The following MED26 variants were observed in gnomAD, a reference collection of about 807,000 sequenced individuals.
MED26 encodes mediator of RNA polymerase II transcription subunit 26.
MED26 carries 7 observed loss-of-function variants against 43.7 expected under a neutral mutation model. That is an observed-to-expected ratio of 0.16 (90% confidence interval 0.09 to 0.30). The LOEUF (loss-of-function observed/expected upper bound fraction) is 0.30, where lower values mean the gene tolerates loss of function less well. Ranked by LOEUF, MED26 falls within the 10% of genes least tolerant of loss-of-function variation. The pLI, the probability that MED26 is intolerant of heterozygous loss-of-function variation, is 1.00. For missense variants in MED26, 784 were observed against 840.6 expected, an observed-to-expected ratio of 0.93 and a Z score of 0.83; for synonymous variants, 375 against 371.1, an observed-to-expected ratio of 1.01 and a Z score of -0.12.
rs1214626657 is a variant in MED26, at chr19:16,576,218, T to C, written c.1612A>G (p.Thr538Ala). Residue 538 changes from threonine (T) to alanine (A), a missense_variant, in exon 3 of 3, where the codon ACG becomes GCG. Around this residue, in one of 3 missense-constraint regions of MED26, gnomAD observed 719 missense variants for 730.9 expected, o/e 0.98. Transcript: ENST00000263390. The surrounding 1 kb of genome is among the most constrained non-coding windows in gnomAD (Gnocchi z 6.8). ...TCCCGGGTCAGACCAGGGAGGTCCGTGGGCGGGCTTTGAGGCACCAGCACA... is the reference window on the plus strand; with the variant it reads ...TCCCGGGTCAGACCAGGGAGGTCCGCGGGCGGGCTTTGAGGCACCAGCACA... Reference protein sequence around the residue: ...LHVLVPQSPPTDLPGLTREVT... With the variant: ...LHVLVPQSPPADLPGLTREVT... 6.2e-7 allele frequency: 1 copy of C among 1,611,876 alleles called. No individual in the cohort carries two copies. Among genetic ancestry groups the C allele is most frequent in the South Asian group, 1.1e-5 (1 of 91,082 alleles).
chr19:16,581,478 G>A (rs1397274844), intron 1 of MED26, among the ~76,000 whole-genome samples: 2 of 152,120 alleles, frequency 1.3e-5, no homozygotes, highest in East Asian at 3.9e-4. Context: ...ACCTCACCCT[G>A]GTATATTTGG....
chr19:16,627,912 A>T lies in MED26; in HGVS notation c.32T>A (p.Ile11Asn). Reference sequence around the variant, plus strand: ...GATGGCCTGCAGCAGCCGGTCCCTGATCTGCTGCGGAGACGCCGGAGCCGC... The same window carrying T: ...GATGGCCTGCAGCAGCCGGTCCCTGTTCTGCTGCGGAGACGCCGGAGCCGC... MTAAPASPQQ[I>N]RDRLLQAIDP... The change falls in exon 1 of 3, where the codon ATC becomes AAC. Residue 11 changes from isoleucine to asparagine, a missense_variant. Ile to Asn is a moderately radical substitution (Grantham distance 149). Transcript: ENST00000263390. The T allele has an allele frequency of 6.7e-7, 1 of 1,500,012 alleles. No individual in the cohort carries two copies. Among genetic ancestry groups the T allele is most frequent in the South Asian group, 1.3e-5 (1 of 79,572 alleles). 92.9% of individuals were successfully genotyped at this position (1,500,012 alleles called of 1,614,324 possible).
In MED26 at chr19:16,622,169, C is replaced by T. The variant is rs564506054; in HGVS notation, c.72+5703G>A. ...GCCATCTCATATTCTTAAGAATTCT[C>T]AACTGTTTTCAAATAAGGCACGGGG... On this transcript the variant is annotated intron_variant, in intron 1 of 2. Coordinates refer to ENST00000263390, the MANE Select transcript of MED26 (RefSeq NM_004831.5). 3.1e-4 allele frequency among the ~76,000 whole-genome samples: 47 copies of T among 152,312 alleles called. 1 individual carries two copies. The highest frequency in any genetic ancestry group is 6.2e-4 in the Non-Finnish European group (42 of 68,034).
At chr19:16,603,626 T>C (rs948905375) in intron 1 of MED26, among the ~76,000 whole-genome samples, 1 of 152,020 alleles carries the variant, frequency 6.6e-6, no homozygotes, top group Non-Finnish European at 1.5e-5. Flanking sequence ...CATCGGTCAA[T>C]AGCAGGGCCC....
intron 1 of MED26, chr19:16,624,225 C>T (rs944771044): frequency 2.0e-5 from 3 of 152,156 alleles, no homozygotes; most frequent in African/African-American, 7.2e-5. Context: ...GTTCCCAATC[C>T]CACCCTGTGG....
intron 1 of MED26, among the ~76,000 whole-genome samples, chr19:16,601,407 G>A (rs1025639982): frequency 7.9e-5 from 12 of 152,056 alleles, no homozygotes; most frequent in African/African-American, 2.9e-4. Flanking sequence ...TGTCCACCTC[G>A]GCCTCCCAAA....
intron 1 of MED26, among the ~76,000 whole-genome samples, chr19:16,621,354 A>G (rs1297041647): frequency 1.3e-5 from 2 of 152,250 alleles, no homozygotes; most frequent in Non-Finnish European, 2.9e-5. Flanking sequence ...AGTGCTCAGT[A>G]AACAGCGGCT....
rs557120713 is a variant in MED26, at chr19:16,601,720, C to G, written c.73-23311G>C. ...GGGAGGCAAGGACCCGGGAGCAGCA[C>G]AAGTAAAGGGCTGGGCACACAGCAG... On this transcript the variant is annotated intron_variant, in intron 1 of 2. Coordinates refer to ENST00000263390, the MANE Select transcript of MED26 (RefSeq NM_004831.5). Among the ~76,000 whole-genome samples the G allele has an allele frequency of 1.4e-4, 21 of 152,310 alleles. No individual in the cohort carries two copies. The South Asian group carries it at 4.1e-3, about 30-fold the overall frequency.
intron 1 of MED26, among the ~76,000 whole-genome samples, chr19:16,601,544 C>T (rs898362582): frequency 1.3e-5 from 2 of 152,222 alleles, no homozygotes; most frequent in Non-Finnish European, 2.9e-5. Flanking sequence ...TGCTCCTGGC[C>T]TGGCAGGCGA....
rs56357407 is a variant in MED26 at position 16,587,095 on chromosome 19, G to A, written c.73-8686C>T. ...TGCTAAGCATTCTAATGCCGTCCGC[G>A]GCTGAGTCACCTCGCCCACCCCCCA... On this transcript the variant is annotated intron_variant, in intron 1 of 2. Transcript: ENST00000263390. The surrounding 1 kb of genome is among the most constrained non-coding windows in gnomAD (Gnocchi z 4.9). 0.11 allele frequency: 17,202 copies of A among 152,068 alleles called. 1,154 individuals carry two copies. The highest frequency in any genetic ancestry group is 0.19 in the African/African-American group (7,758 of 41,404). 9.4% of individuals were successfully genotyped at this position (152,068 alleles called of 1,614,324 possible). A position where few individuals can be genotyped will look rare whatever the true frequency, so the allele number is the denominator to read the frequency against.
intron 1 of MED26, among the ~76,000 whole-genome samples, chr19:16,614,073 C>T (rs1454044689): frequency 6.6e-6 from 1 of 152,176 alleles, no homozygotes; most frequent in Non-Finnish European, 1.5e-5. Context: ...ATACCTCAAG[C>T]CCCACAGGAT....
At chr19:16,600,082 AGCCCAGGCCCAG>A (rs1055609202) in intron 1 of MED26, among the ~76,000 whole-genome samples, 4 of 152,272 alleles carry the variant, frequency 2.6e-5, no homozygotes, top group South Asian at 4.1e-4. Flanking sequence ...ACAGGCAGCC[AGCCCAGGCCCAG>A]GCCCAGGCCC....
At chr19:16,615,242 G>A (rs1207169072) in intron 1 of MED26, among the ~76,000 whole-genome samples, 5 of 152,132 alleles carry the variant, frequency 3.3e-5, no homozygotes, top group Non-Finnish European at 7.4e-5. Context: ...CAGGTGATCA[G>A]GTGGGGTGCA....
intron 1 of MED26, among the ~76,000 whole-genome samples, chr19:16,581,930 G>A (rs1054593818): frequency 2.6e-5 from 4 of 152,224 alleles, no homozygotes; most frequent in African/African-American, 4.8e-5. Context: ...AGAGGAGCCC[G>A]CCTGCTCTAC....
intron 1 of MED26, among the ~76,000 whole-genome samples, chr19:16,602,094 A>G (rs1390100019): frequency 6.6e-6 from 1 of 152,236 alleles, no homozygotes; most frequent in Non-Finnish European, 1.5e-5. Flanking sequence ...AGCCGCCGTC[A>G]GCCTGTCCTA....
chr19:16,603,484 TCC>T (rs1599341791), intron 1 of MED26, among the ~76,000 whole-genome samples: 1 of 152,270 alleles, frequency 6.6e-6, no homozygotes, highest in East Asian at 1.9e-4. Context: ...AAAAAATTCT[TCC>T]CTTCTTTTCT....
At chr19:16,619,364 G>A (rs2086240802) in intron 1 of MED26, among the ~76,000 whole-genome samples, 1 of 152,190 alleles carries the variant, frequency 6.6e-6, no homozygotes, top group Non-Finnish European at 1.5e-5. Flanking sequence ...CAGGAGAGCC[G>A]TTAGCTACCA....
At chr19:16,602,692 GCAA>G (rs2086155363) in intron 1 of MED26, among the ~76,000 whole-genome samples, 1 of 152,196 alleles carries the variant, frequency 6.6e-6, no homozygotes, top group Admixed American at 6.5e-5. Context: ...CCTGACACAT[GCAA>G]CAACACAGAT....
chr19:16,622,490 G>A (rs1190279624), intron 1 of MED26, among the ~76,000 whole-genome samples: 2 of 152,204 alleles, frequency 1.3e-5, no homozygotes, highest in South Asian at 2.1e-4. Context: ...TAGAATTATC[G>A]GTATGTCTTT....
Sources: gnomAD v4.1 joint callset for allele counts (sites outside exome capture counted in the v4.1 genomes callset) on GRCh38, gnomAD v4.1.1 for gene constraint, gnomAD v4.1.1 regional missense constraint, Gnocchi (gnomAD v3.1) non-coding constraint, MANE v1.5 for transcripts, NCBI Gene and HGNC (gene_info 2026-07-23, HGNC 2026-07-21) for gene names.